LNX2: variants seen among roughly 807,000 people sequenced by gnomAD.
The protein encoded by LNX2 is ligand of Numb protein X 2.
In LNX2, 35 loss-of-function variants were observed where a neutral mutation model predicts 66.2. The ratio of observed to expected loss-of-function variants is 0.53; its 90% CI spans 0.40 to 0.70. The LOEUF (loss-of-function observed/expected upper bound fraction) is 0.70, where lower values mean the gene tolerates loss of function less well. Among genes scored for constraint, LNX2 ranks in the 30% least tolerant of loss-of-function variants. The pLI is 0.00. For missense variants in LNX2, 791 were observed against 850.8 expected, an observed-to-expected ratio of 0.93 and a Z score of 0.87; for synonymous variants, 337 against 315.6, an observed-to-expected ratio of 1.07 and a Z score of -0.72.
chr13:27,570,984 G>C (rs1955272497), intron 2 of LNX2, among the ~76,000 whole-genome samples: 1 of 152,186 alleles, frequency 6.6e-6, no homozygotes, highest in African/African-American at 2.4e-5. Context: ...AGTTGTTAGA[G>C]AGGTAAAGTA....
chr13:27,556,288 C>T lies in LNX2; in HGVS notation c.1494G>A (p.Val498=), dbSNP rs1955059657. 1 of 1,614,020 alleles carries T rather than the reference C, an allele frequency of 6.2e-7. No individual in the cohort carries two copies. Among genetic ancestry groups the T allele is most frequent in the East Asian group, 2.2e-5 (1 of 44,872 alleles). ...GSKSGELPIF[V]TSVPPHGCLA... is the part of the protein sequence containing the mutation. ...GGCAGCCATGGGGTGGCACACTGGT[C>T]ACAAAGATGGGCAGCTCACCACTCT... is the stretch of plus-strand genomic sequence containing the variant. Residue 498 remains valine (V), a synonymous_variant, in exon 7 of 10, where the codon GTG becomes GTA. Transcript: ENST00000316334.
At chr13:27,567,554 G>T in intron 4 of LNX2, 86 bp downstream of exon 4, 1 of 1,073,960 alleles carries the variant, frequency 9.3e-7, no homozygotes, top group Non-Finnish European at 1.4e-6. Flanking sequence ...TATAATTTAG[G>T]TTCCAAAACA....
chr13:27,559,838 T>C lies in LNX2; in HGVS notation c.1368+4A>G, dbSNP rs1593240688. The C allele has an allele frequency of 6.7e-7, 1 of 1,502,106 alleles. No homozygotes were observed. Among genetic ancestry groups the C allele is most frequent in the Admixed American group, 2.2e-5 (1 of 45,620 alleles). 93.0% of individuals were successfully genotyped at this position (1,502,106 alleles called of 1,614,324 possible). Reference sequence around the variant, plus strand: ...GTGGCATAAAAAAAAAAAAAAATCCTCACCTTATGTGAGCTTGGTCTGCTA... The same window carrying C: ...GTGGCATAAAAAAAAAAAAAAATCCCCACCTTATGTGAGCTTGGTCTGCTA... On this transcript the variant is annotated splice_donor_region_variant and intron_variant, in intron 6 of 9. Coordinates refer to ENST00000316334, the MANE Select transcript of LNX2 (RefSeq NM_153371.4).
At chr13:27,574,179 C>T (rs1955318018) in intron 2 of LNX2, among the ~76,000 whole-genome samples, 1 of 152,090 alleles carries the variant, frequency 6.6e-6, no homozygotes, top group Non-Finnish European at 1.5e-5. Context: ...AATGCATGGC[C>T]GGGTGCTTTA....
At chr13:27,606,578 G>A (rs541565498) in intron 1 of LNX2, among the ~76,000 whole-genome samples, 2 of 152,160 alleles carry the variant, frequency 1.3e-5, no homozygotes, top group African/African-American at 4.8e-5. Context: ...TTTAAATCAA[G>A]GTACAGAACA....
At chr13:27,589,244 A>G (rs113734388) in intron 1 of LNX2, among the ~76,000 whole-genome samples, 5 of 152,378 alleles carry the variant, frequency 3.3e-5, no homozygotes, top group South Asian at 4.1e-4. Context: ...TGGAAGAAGC[A>G]TATCTGGATA....
chr13:27,597,125 TATC>T lies in LNX2; in HGVS notation c.-100-15325_-100-15323del, dbSNP rs1300573710. ...AATCAAAACCTCTAAGGCCTATCCT[TATC>T]AGAGATCAATCTGTCCTTTTGTAGA... On this transcript the variant is annotated intron_variant, in intron 1 of 9. Transcript: ENST00000316334. Among the ~76,000 whole-genome samples, 526 of 152,284 alleles carry T rather than the reference TATC, an allele frequency of 3.5e-3. 1 individual carries two copies. The highest frequency in any genetic ancestry group is 0.012 in the African/African-American group (503 of 41,570).
chr13:27,558,217 T>G (rs1442677736), intron 6 of LNX2, among the ~76,000 whole-genome samples: 1 of 151,222 alleles, frequency 6.6e-6, no homozygotes, highest in Non-Finnish European at 1.5e-5. Context: ...AGGAGACCTT[T>G]ACTTTTCTGT....
chr13:27,586,694 C>G (rs900261868), intron 1 of LNX2, among the ~76,000 whole-genome samples: 6 of 152,236 alleles, frequency 3.9e-5, no homozygotes, highest in African/African-American at 1.4e-4. Context: ...GTGTGAAATA[C>G]TAAAGTACAG....
intron 1 of LNX2, among the ~76,000 whole-genome samples, chr13:27,599,930 C>T (rs1045182129): frequency 9.9e-5 from 15 of 152,060 alleles, no homozygotes; most frequent in Admixed American, 2.0e-4. Flanking sequence ...TTGCTGTTTC[C>T]ATGGAAACAG....
chr13:27,584,261 T>C (rs1383971354), intron 1 of LNX2, among the ~76,000 whole-genome samples: 1 of 152,012 alleles, frequency 6.6e-6, no homozygotes, highest in Non-Finnish European at 1.5e-5. Flanking sequence ...AACATTAAAG[T>C]AGGCCAGATG....
At chr13:27,594,379 G>A (rs1169855833) in intron 1 of LNX2, among the ~76,000 whole-genome samples, 1 of 151,924 alleles carries the variant, frequency 6.6e-6, no homozygotes, top group Non-Finnish European at 1.5e-5. Flanking sequence ...CCTCTCCCAA[G>A]CCTCCTGTTT....
chr13:27,561,380 C>T (rs1349096723), intron 5 of LNX2, among the ~76,000 whole-genome samples: 2 of 152,036 alleles, frequency 1.3e-5, no homozygotes, highest in Non-Finnish European at 2.9e-5. Flanking sequence ...CTCTTTTCTC[C>T]CCTCCCTCCC....
chr13:27,620,191 C>T (rs1955881772), intron 1 of LNX2, among the ~76,000 whole-genome samples, 184 bp downstream of exon 1: 1 of 151,952 alleles, frequency 6.6e-6, no homozygotes, highest in African/African-American at 2.4e-5. Context: ...CCACGCCAGC[C>T]CCGCAGCCCG....
chr13:27,614,060 C>T (rs1955801850), intron 1 of LNX2, among the ~76,000 whole-genome samples: 1 of 152,210 alleles, frequency 6.6e-6, no homozygotes, highest in Admixed American at 6.5e-5. Flanking sequence ...TTGCCTTTAG[C>T]TTTCAAGCTG....
In LNX2 at chr13:27,546,940, G is replaced by C. The variant is rs530542835; in HGVS notation, c.*1395C>G. The C allele has an allele frequency of 6.6e-6, 1 of 152,116 alleles. No homozygotes were observed. The highest frequency in any genetic ancestry group is 1.5e-5 in the Non-Finnish European group (1 of 67,986). The allele number at this position is 152,116 out of a possible 1,614,324, so 9.4% of individuals were successfully genotyped here. ...ATTTCAAAAAATATGAAATAGTCTA[G>C]TGACTGAGAGCTGACTGAAAGATAC... On this transcript the variant is annotated 3_prime_UTR_variant, in exon 10 of 10. Transcript: ENST00000316334.
In LNX2 at chr13:27,581,590, G is replaced by A; in HGVS notation, c.114C>T (p.Tyr38=). The stretch of plus-strand genomic sequence containing the variant: ...CATCATCCACTTCATTCTGGTAATT[G>A]TACAAATGGTTTTCTCTTGTCCAGT... ...QQHWTRENHL[Y]NYQNEVDDDL... is the part of the protein sequence containing the mutation. Residue 38 remains tyrosine, a synonymous_variant, in exon 2 of 10, where the codon TAC becomes TAT. Coordinates refer to ENST00000316334, the MANE Select transcript of LNX2 (RefSeq NM_153371.4). 9 of 1,614,152 alleles carry A rather than the reference G, an allele frequency of 5.6e-6. No homozygotes were observed. The highest frequency in any genetic ancestry group is 7.6e-6 in the Non-Finnish European group (9 of 1,180,024).
chr13:27,587,641 G>GA (rs976592575), intron 1 of LNX2, among the ~76,000 whole-genome samples: 14 of 152,098 alleles, frequency 9.2e-5, no homozygotes, highest in African/African-American at 3.4e-4. Context: ...AGGGGTAAGG[G>GA]AAAAAAGTTT....
At chr13:27,610,321 A>C (rs1955759339) in intron 1 of LNX2, among the ~76,000 whole-genome samples, 1 of 152,240 alleles carries the variant, frequency 6.6e-6, no homozygotes, top group African/African-American at 2.4e-5. Flanking sequence ...TTCACACTAA[A>C]ATATACTATG....
Sources: gnomAD v4.1 joint callset for allele counts (sites outside exome capture counted in the v4.1 genomes callset) on GRCh38, gnomAD v4.1.1 for gene constraint, MANE v1.5 for transcripts, NCBI Gene and HGNC (gene_info 2026-07-23, HGNC 2026-07-21) for gene names.